The following TG variants were observed in gnomAD, a reference collection of about 807,000 sequenced individuals.
TG encodes thyroid hormones.
In TG, 270 loss-of-function variants were observed where a neutral mutation model predicts 324.7. That is an observed-to-expected ratio of 0.83 (90% CI 0.75 to 0.92). The LOEUF (loss-of-function observed/expected upper bound fraction) is 0.92. Ranked by LOEUF, TG falls within the 40% of genes least tolerant of loss-of-function variation. The pLI is 0.00. For synonymous variants in TG, 1,401 were observed against 1,327.0 expected, an observed-to-expected ratio of 1.06 and a Z score of -1.21; for missense variants, 3,591 against 3,456.4, an observed-to-expected ratio of 1.04 and a Z score of -0.98.
chr8:133,075,997 C>G (rs769898120), intron 41 of TG: 1 of 152,126 alleles, frequency 6.6e-6, no homozygotes, highest in Non-Finnish European at 1.5e-5. Context: ...CATATAAAAT[C>G]TCCCTACTTA....
intron 11 of TG, among the ~76,000 whole-genome samples, chr8:132,896,727 G>A (rs1419355930): frequency 6.6e-6 from 1 of 151,926 alleles, no homozygotes; most frequent in Non-Finnish European, 1.5e-5. Flanking sequence ...TTTCCCAATC[G>A]GTGATTTCTT....
chr8:133,020,148 T>C (rs1411359850), intron 39 of TG, among the ~76,000 whole-genome samples: 1 of 152,180 alleles, frequency 6.6e-6, no homozygotes, highest in Non-Finnish European at 1.5e-5. Flanking sequence ...CATAAGGATA[T>C]TCAGATGGGC....
chr8:132,918,726 C>A (rs768597847), intron 20 of TG, among the ~76,000 whole-genome samples: 2 of 152,168 alleles, frequency 1.3e-5, no homozygotes, highest in African/African-American at 2.4e-5. Flanking sequence ...TAACCTTGAA[C>A]CTCAGTTCTC....
rs529028029 is a variant in TG, at chr8:133,021,874, G to C, written c.6877-117G>C. Reference sequence around the variant, plus strand: ...GGACACAGCTCCATCCACTGCATGGGGCTAAGTATGCCACAGAGCTGGCCA... The same window carrying C: ...GGACACAGCTCCATCCACTGCATGGCGCTAAGTATGCCACAGAGCTGGCCA... On this transcript the variant is annotated intron_variant, in intron 39 of 47. Transcript: ENST00000220616. The C allele has an allele frequency of 2.7e-5, 34 of 1,269,296 alleles. No homozygotes were observed. In the African/African-American group the frequency reaches 4.7e-4, roughly 18 times the overall value. 78.6% of individuals were successfully genotyped at this position (1,269,296 alleles called of 1,614,324 possible). A position where few individuals can be genotyped will look rare whatever the true frequency, so the allele number is the denominator to read the frequency against.
At position 132,894,402 on chromosome 8, in the gene TG, G is replaced by A. The variant is rs1816802102; in HGVS notation, c.3001+473G>A. ...CAGGAATTACTACCTGCATGCGACA[G>A]AGGCATAAGCTCAGGGAGCCTGCAG... On this transcript the variant is annotated intron_variant, in intron 11 of 47. Transcript: ENST00000220616. 2.0e-5 allele frequency among the ~76,000 whole-genome samples: 3 copies of A among 151,922 alleles called. No individual in the cohort carries two copies. In the South Asian group the frequency reaches 6.2e-4, roughly 32 times the overall value.
intron 35 of TG, chr8:132,995,147 C>T: frequency 1.0e-6 from 1 of 970,276 alleles, no homozygotes; most frequent in Non-Finnish European, 1.2e-6. Flanking sequence ...TGTTCTAATT[C>T]TATTCCTACT....
At chr8:132,922,732 C>A (rs1230611915) in intron 21 of TG, among the ~76,000 whole-genome samples, 1 of 152,180 alleles carries the variant, frequency 6.6e-6, no homozygotes, top group South Asian at 2.1e-4. Flanking sequence ...TCACAGATGG[C>A]GCCTTCTCAC....
At chr8:133,062,607 G>A (rs527375368) in intron 41 of TG, among the ~76,000 whole-genome samples, 1 of 152,388 alleles carries the variant, frequency 6.6e-6, no homozygotes, top group South Asian at 2.1e-4. Context: ...TGAGGGGATT[G>A]TAGCCACAGG....
At chr8:133,039,870 A>G (rs1270204263) in intron 41 of TG, 1 of 1,449,190 alleles carries the variant, frequency 6.9e-7, no homozygotes, top group Non-Finnish European at 9.2e-7. Context: ...CAGTTTCAGC[A>G]GGGCTGGCTG....
intron 20 of TG, among the ~76,000 whole-genome samples, chr8:132,914,413 C>G (rs1052771199): frequency 5.3e-5 from 8 of 152,322 alleles, no homozygotes; most frequent in East Asian, 1.9e-4. Context: ...ATGGCCTTTC[C>G]TTTTCTGAAA....
At chr8:132,981,099 T>C (rs1199798808) in intron 34 of TG, among the ~76,000 whole-genome samples, 2 of 152,192 alleles carry the variant, frequency 1.3e-5, no homozygotes, top group Non-Finnish European at 2.9e-5. Context: ...CTCAGTCCTG[T>C]ACAATAAAGA....
intron 8 of TG, 111 bp downstream of exon 8, chr8:132,883,110 C>T: frequency 8.4e-7 from 1 of 1,193,208 alleles, no homozygotes. Flanking sequence ...TAGTGTGCCC[C>T]TCTGGCCCTT....
intron 45 of TG, among the ~76,000 whole-genome samples, chr8:133,120,005 T>A (rs1851014075): frequency 6.6e-6 from 1 of 152,258 alleles, no homozygotes; most frequent in Middle Eastern, 3.4e-3. Flanking sequence ...GAGATGAAGG[T>A]GCCCTCCTAA....
intron 41 of TG, chr8:133,050,428 G>A (rs1026103974): frequency 4.0e-6 from 1 of 250,590 alleles, no homozygotes; most frequent in Non-Finnish European, 7.8e-6. Context: ...AGAGGTAAGA[G>A]GAGAGAAGGC....
chr8:132,892,364 G>A (rs575435890), intron 10 of TG, among the ~76,000 whole-genome samples: 2 of 152,024 alleles, frequency 1.3e-5, no homozygotes, highest in African/African-American at 2.4e-5. Flanking sequence ...CTGGGAACTC[G>A]TTTAAATTAT....
intron 41 of TG, chr8:133,049,133 G>A (rs1472486297): frequency 2.2e-6 from 1 of 456,334 alleles, no homozygotes; most frequent in Non-Finnish European, 4.4e-6. Flanking sequence ...GTGCCCAGGT[G>A]TTCAGGGCTC....
chr8:133,101,547 T>C (rs543242163), intron 43 of TG, among the ~76,000 whole-genome samples: 1 of 151,786 alleles, frequency 6.6e-6, no homozygotes, highest in Admixed American at 6.6e-5. Flanking sequence ...TCCTGCCCCA[T>C]CTGGGGCTGA....
chr8:133,107,259 C>T (rs988465317), intron 43 of TG, among the ~76,000 whole-genome samples: 3 of 152,170 alleles, frequency 2.0e-5, no homozygotes, highest in Admixed American at 6.5e-5. Context: ...CCAAATTTCA[C>T]ATTCAATCCA....
chr8:133,037,215 C>T (rs752156853), intron 41 of TG: 1 of 152,156 alleles, frequency 6.6e-6, no homozygotes, highest in Admixed American at 6.5e-5. Flanking sequence ...CATCTGCAGC[C>T]CACTCTCTTC....
Sources: gnomAD v4.1 joint callset for allele counts (sites outside exome capture counted in the v4.1 genomes callset) on GRCh38, gnomAD v4.1.1 for gene constraint, MANE v1.5 for transcripts, NCBI Gene and HGNC (gene_info 2026-07-23, HGNC 2026-07-21) for gene names.